DDIAS: variants seen among roughly 807,000 people sequenced by gnomAD.
DDIAS encodes DNA damage induced apoptosis suppressor, also known as DNA damage-induced apoptosis suppressor protein.
DDIAS carries 14 observed loss-of-function variants against 15.7 expected under a neutral mutation model. That is an observed-to-expected ratio of 0.89 (90% confidence interval 0.59 to 1.39). The LOEUF (loss-of-function observed/expected upper bound fraction) is 1.39. Among genes scored for constraint, DDIAS ranks in the 40% most tolerant of loss-of-function variants. DDIAS has a pLI of 0.00. For synonymous variants in DDIAS, 355 were observed against 395.9 expected, an observed-to-expected ratio of 0.90 and a Z score of 1.23; for missense variants, 1,035 against 1,130.9, an observed-to-expected ratio of 0.92 and a Z score of 1.22.
intron 1 of DDIAS, among the ~76,000 whole-genome samples, chr11:82,903,418 G>A (rs1425081007): frequency 6.6e-6 from 1 of 152,192 alleles, no homozygotes; most frequent in Non-Finnish European, 1.5e-5. Context: ...TTAGTGAGTA[G>A]TACCATTTAC....
chr11:82,928,705 C>T (rs1860919788), intron 3 of DDIAS, 72 bp from the exon 4 acceptor site: 3 of 1,472,846 alleles, frequency 2.0e-6, no homozygotes, highest in Non-Finnish European at 2.8e-6. Context: ...TAAATTTTTA[C>T]TGTTCTGGAT....
intron 3 of DDIAS, among the ~76,000 whole-genome samples, chr11:82,924,214 T>G (rs1487937155): frequency 6.6e-6 from 1 of 152,204 alleles, no homozygotes; most frequent in Non-Finnish European, 1.5e-5. Flanking sequence ...AGAGATATGT[T>G]TTTTAAAATA....
intron 3 of DDIAS, among the ~76,000 whole-genome samples, chr11:82,926,743 G>A (rs1860870239): frequency 6.6e-6 from 1 of 152,122 alleles, no homozygotes; most frequent in Non-Finnish European, 1.5e-5. Flanking sequence ...ACATATTAAT[G>A]TTTGAGAAGC....
At chr11:82,931,600 C>A in intron 5 of DDIAS, 132 bp from the exon 6 acceptor site, 1 of 736,100 alleles carries the variant, frequency 1.4e-6, no homozygotes, top group Non-Finnish European at 2.2e-6. Context: ...CTCAAGTGAT[C>A]TGCCTGCCTC....
At chr11:82,907,777 G>A (rs1202578141) in intron 1 of DDIAS, among the ~76,000 whole-genome samples, 1 of 152,172 alleles carries the variant, frequency 6.6e-6, no homozygotes, top group East Asian at 1.9e-4. Flanking sequence ...GTGGGCTCAA[G>A]CAATCCTCCC....
At chr11:82,912,297 T>C (rs1292161170) in intron 1 of DDIAS, among the ~76,000 whole-genome samples, 1 of 152,216 alleles carries the variant, frequency 6.6e-6, no homozygotes, top group African/African-American at 2.4e-5. Flanking sequence ...TTAAAATCTG[T>C]TGTTTAGTGT....
intron 1 of DDIAS, among the ~76,000 whole-genome samples, chr11:82,910,863 C>T (rs1379456351): frequency 6.6e-6 from 1 of 152,012 alleles, no homozygotes; most frequent in Non-Finnish European, 1.5e-5. Context: ...AAGAGGAGAA[C>T]ATTGCTACAG....
intron 1 of DDIAS, among the ~76,000 whole-genome samples, chr11:82,909,503 G>A (rs931182017): frequency 2.6e-5 from 4 of 152,206 alleles, no homozygotes; most frequent in Non-Finnish European, 5.9e-5. Context: ...ACAAGATGGA[G>A]TTGCTTTTTT....
chr11:82,924,356 C>T (rs557450227), intron 3 of DDIAS, among the ~76,000 whole-genome samples: 18 of 152,154 alleles, frequency 1.2e-4, no homozygotes, highest in Non-Finnish European at 2.5e-4. Flanking sequence ...TCCTCCAGTC[C>T]CTAAGATATG....
chr11:82,914,186 C>T (rs992653691), intron 2 of DDIAS: 11 of 260,590 alleles, frequency 4.2e-5, no homozygotes, highest in Non-Finnish European at 7.6e-5. Context: ...CCGCCTGCCT[C>T]GGCCTCCCAA....
At chr11:82,911,988 G>T (rs754893910) in intron 1 of DDIAS, among the ~76,000 whole-genome samples, 1 of 152,186 alleles carries the variant, frequency 6.6e-6, no homozygotes, top group Non-Finnish European at 1.5e-5. Flanking sequence ...TGAGCAGTAG[G>T]TCTCAACAGT....
chr11:82,933,423 A>G lies in DDIAS; in HGVS notation c.2085A>G (p.Lys695=). 6.2e-7 allele frequency: 1 copy of G among 1,613,928 alleles called. No homozygotes were observed. The highest frequency in any genetic ancestry group is 8.5e-7 in the Non-Finnish European group (1 of 1,179,942). The change falls in exon 6 of 6, where the codon AAA becomes AAG. Residue 695 remains lysine (K), a synonymous_variant. Coordinates refer to ENST00000533655, the MANE Select transcript of DDIAS (RefSeq NM_145018.4). ...KEMDIATEIT[K]KSQDILLKWG... ...TGGACATTGCAACTGAGATTACCAA[A>G]AAATCACAGGATATTTTGTTAAAAT...
At chr11:82,909,097 A>G (rs1354460554) in intron 1 of DDIAS, among the ~76,000 whole-genome samples, 1 of 152,238 alleles carries the variant, frequency 6.6e-6, no homozygotes, top group Non-Finnish European at 1.5e-5. Context: ...CAAGTTTATT[A>G]GGGAAGTAAA....
chr11:82,914,647 G>A (rs1860594841), intron 2 of DDIAS, 76 bp from the exon 3 acceptor site: 1 of 682,714 alleles, frequency 1.5e-6, no homozygotes, highest in Non-Finnish European at 2.5e-6. Context: ...TAGAGGTTAA[G>A]TGGTTTTCCT....
intron 4 of DDIAS, 38 bp downstream of exon 4, chr11:82,928,976 T>C (rs1219188526): frequency 6.3e-7 from 1 of 1,580,838 alleles, no homozygotes; most frequent in South Asian, 1.2e-5. Context: ...CTGACTGCCC[T>C]TAGAATTTGA....
At chr11:82,908,630 T>C (rs1860473076) in intron 1 of DDIAS, among the ~76,000 whole-genome samples, 1 of 152,220 alleles carries the variant, frequency 6.6e-6, no homozygotes, top group Non-Finnish European at 1.5e-5. Flanking sequence ...AATAGAGTCA[T>C]TTATACTTAA....
rs749495358 is a variant in DDIAS, at chr11:82,933,884, A to G, written c.2546A>G (p.Asn849Ser). The G allele has an allele frequency of 8.1e-6, 13 of 1,613,970 alleles. No individual in the cohort carries two copies. The highest frequency in any genetic ancestry group is 1.1e-5 in the Non-Finnish European group (13 of 1,180,012). The change falls in exon 6 of 6, where the codon AAT (asparagine) becomes AGT (serine). Residue 849 changes from asparagine (N) to serine (S), a missense_variant. Transcript: ENST00000533655. Reference sequence around the variant, plus strand: ...GGTGTTTCACAACCAGACGTTTTCAATCACTACCCTTTTGCTGAGTGCCAT... The same window carrying G: ...GGTGTTTCACAACCAGACGTTTTCAGTCACTACCCTTTTGCTGAGTGCCAT... Reference protein sequence around the residue: ...VSGVSQPDVFNHYPFAECHET... With the variant: ...VSGVSQPDVFSHYPFAECHET...
At chr11:82,916,104 T>C (rs1860628174) in intron 3 of DDIAS, among the ~76,000 whole-genome samples, 1 of 152,198 alleles carries the variant, frequency 6.6e-6, no homozygotes, top group South Asian at 2.1e-4. Context: ...GAGTTTCATG[T>C]AGGCTCTGGC....
At position 82,932,009 on chromosome 11, in the gene DDIAS, C is replaced by G; in HGVS notation, c.671C>G (p.Ser224Cys). The change falls in exon 6 of 6, where the codon TCT (serine) becomes TGT (cysteine). Residue 224 changes from serine to cysteine, a missense_variant. Transcript: ENST00000533655. ...AGCATATATACTTCTGACAGCACTT[C>G]TGATTTTTTCAAGTCCTGCAGCAAG... ...LSSIYTSDSTSDFFKSCSKDT... is the reference protein window; with the variant it reads ...LSSIYTSDSTCDFFKSCSKDT... 2 of 1,614,182 alleles carry G rather than the reference C, an allele frequency of 1.2e-6. No individual in the cohort carries two copies. Among genetic ancestry groups the G allele is most frequent in the Non-Finnish European group, 1.7e-6 (2 of 1,180,034 alleles).
Sources: allele counts gnomAD v4.1 joint callset (sites outside exome capture counted in the v4.1 genomes callset), GRCh38; gene constraint gnomAD v4.1.1; transcripts MANE v1.5; gene names NCBI Gene and HGNC (gene_info 2026-07-23, HGNC 2026-07-21).